ARAP2: variants seen among roughly 807,000 people sequenced by gnomAD.
The protein encoded by ARAP2 is ArfGAP with RhoGAP domain, ankyrin repeat and PH domain 2.
Under a neutral mutation model 194.5 loss-of-function variants are expected in ARAP2, and 148 were observed. The observed-to-expected ratio is 0.76, with a 90% CI of 0.67 to 0.87. The LOEUF (loss-of-function observed/expected upper bound fraction) is 0.87, where lower values mean the gene tolerates loss of function less well. Ranked by LOEUF, ARAP2 falls within the 40% of genes least tolerant of loss-of-function variation. The pLI is 0.00. For synonymous variants in ARAP2, 695 were observed against 683.5 expected, an observed-to-expected ratio of 1.02 and a Z score of -0.26; for missense variants, 2,128 against 1,989.7, an observed-to-expected ratio of 1.07 and a Z score of -1.32.
At position 36,228,803 on chromosome 4, in the gene ARAP2, A is replaced by G. The variant is rs747646598; in HGVS notation, c.684T>C (p.Asn228=). The stretch of plus-strand genomic sequence containing the variant: ...ATAAACCATTTGTTCCATTTCCAGA[A>G]TTTGTTCCTGATGTTGAACAGCCAA... ...SFVGCSTSGT[N]SGNGTNGLLE... is the part of the protein sequence containing the mutation. The change falls in exon 2 of 33, where the codon AAT becomes AAC. Residue 228 remains asparagine (N), a synonymous_variant. Transcript: ENST00000303965. 1 of 1,614,152 alleles carries G rather than the reference A, an allele frequency of 6.2e-7. No individual in the cohort carries two copies.
At chr4:36,227,133 T>C (rs537015625) in intron 2 of ARAP2, among the ~76,000 whole-genome samples, 1 of 152,292 alleles carries the variant, frequency 6.6e-6, no homozygotes, top group African/African-American at 2.4e-5. Flanking sequence ...GAGTCAGATG[T>C]ACTGGTAGGA....
At chr4:36,130,739 G>A (rs1000515297) in intron 20 of ARAP2, among the ~76,000 whole-genome samples, 2 of 151,742 alleles carry the variant, frequency 1.3e-5, no homozygotes, top group Non-Finnish European at 2.9e-5. Flanking sequence ...ACATATCTCT[G>A]TATATATCCG....
rs1278626298 is a variant in ARAP2, at chr4:36,067,872, A to T, written c.*35T>A. The T allele has an allele frequency of 1.3e-6, 2 of 1,527,402 alleles. No homozygotes were observed. Among genetic ancestry groups the T allele is most frequent in the South Asian group, 1.3e-5 (1 of 76,418 alleles). The allele number at this position is 1,527,402 out of a possible 1,614,324, so 94.6% of individuals were successfully genotyped here. A position where few individuals can be genotyped will look rare whatever the true frequency, so the allele number is the denominator to read the frequency against. On this transcript the variant is annotated 3_prime_UTR_variant, in exon 33 of 33. Transcript: ENST00000303965. ...ACACATAAAGATTGCATACAATATT[A>T]AAAAAATAATCTGGGGAGCAATTCA...
chr4:36,225,398 T>C (rs993228928), intron 2 of ARAP2, among the ~76,000 whole-genome samples: 1 of 143,002 alleles, frequency 7.0e-6, no homozygotes, highest in Non-Finnish European at 1.6e-5. Context: ...TAAGATCACA[T>C]GGCACACCTA....
At chr4:36,203,951 T>C (rs1744989237) in intron 6 of ARAP2, among the ~76,000 whole-genome samples, 1 of 152,096 alleles carries the variant, frequency 6.6e-6, no homozygotes, top group Non-Finnish European at 1.5e-5. Flanking sequence ...AGTAAAAGGA[T>C]TTATTTGTGA....
chr4:36,119,077 A>C (rs1174487746), intron 24 of ARAP2, among the ~76,000 whole-genome samples: 1 of 151,434 alleles, frequency 6.6e-6, no homozygotes, highest in Non-Finnish European at 1.5e-5. Context: ...AATTCCAGTG[A>C]ATATTCACCA....
chr4:36,191,870 G>A (rs999268308), intron 7 of ARAP2, among the ~76,000 whole-genome samples: 1 of 152,118 alleles, frequency 6.6e-6, no homozygotes, highest in Non-Finnish European at 1.5e-5. Context: ...TTTGGATCAT[G>A]CCATTTTCTG....
At chr4:36,212,535 G>T in intron 4 of ARAP2, 48 bp from the exon 5 acceptor site, 5 of 1,394,878 alleles carry the variant, frequency 3.6e-6, no homozygotes, top group Non-Finnish European at 5.0e-6. Flanking sequence ...TTTGCTTTTT[G>T]GTTTGGGGAT....
intron 19 of ARAP2, among the ~76,000 whole-genome samples, chr4:36,145,303 C>T (rs999379937): frequency 3.3e-5 from 5 of 151,870 alleles, no homozygotes; most frequent in African/African-American, 1.2e-4. Flanking sequence ...GGTTGACGGG[C>T]TAAGGAAAAT....
intron 6 of ARAP2, among the ~76,000 whole-genome samples, chr4:36,198,053 T>C (rs950007151): frequency 2.0e-5 from 3 of 152,194 alleles, no homozygotes; most frequent in Non-Finnish European, 4.4e-5. Context: ...TCCCAAGTTC[T>C]TGTGCTGTGT....
At chr4:36,080,633 A>G (rs1289074694) in intron 30 of ARAP2, among the ~76,000 whole-genome samples, 1 of 152,194 alleles carries the variant, frequency 6.6e-6, no homozygotes, top group Non-Finnish European at 1.5e-5. Context: ...GAGCCTGAGA[A>G]GAAAAATATG....
At chr4:36,068,457 C>A (rs1339798995) in intron 32 of ARAP2, among the ~76,000 whole-genome samples, 179 bp from the exon 33 acceptor site, 1 of 152,236 alleles carries the variant, frequency 6.6e-6, no homozygotes, top group Non-Finnish European at 1.5e-5. Flanking sequence ...CTTAGAGCTA[C>A]AAAATCAACT....
chr4:36,126,783 G>A (rs1724023220), intron 21 of ARAP2, among the ~76,000 whole-genome samples: 1 of 152,046 alleles, frequency 6.6e-6, no homozygotes, highest in Admixed American at 6.6e-5. Context: ...TGACAACAGT[G>A]AAGACTTGTT....
intron 7 of ARAP2, among the ~76,000 whole-genome samples, chr4:36,190,387 T>A (rs945835061): frequency 1.3e-5 from 2 of 152,248 alleles, no homozygotes; most frequent in Non-Finnish European, 2.9e-5. Context: ...AGGTCATTTA[T>A]CTACATTCCT....
intron 15 of ARAP2, among the ~76,000 whole-genome samples, 156 bp from the exon 16 acceptor site, chr4:36,151,200 A>G (rs553227317): frequency 3.8e-4 from 58 of 152,346 alleles, no homozygotes; most frequent in African/African-American, 1.3e-3. Context: ...CATGGGATAT[A>G]AAGTTGTCAC....
At chr4:36,022,099 A>T (rs900359631) in intron 5 of ARAP2, among the ~76,000 whole-genome samples, 1 of 152,172 alleles carries the variant, frequency 6.6e-6, no homozygotes, top group Non-Finnish European at 1.5e-5. Flanking sequence ...TTCAGCAAAA[A>T]TATGTAATAT....
chr4:36,229,110 T>C lies in ARAP2; in HGVS notation c.377A>G (p.Asn126Ser). The change falls in exon 2 of 33, where the codon AAT (asparagine) becomes AGT (serine). Residue 126 changes from asparagine to serine, a missense_variant. Transcript: ENST00000303965. The part of the protein sequence containing the change: ...SPPQLETVRK[N>S]LEDSDASVER... ...CACACTTGCATCACTGTCTTCAAGATTTTTTCTAACAGTCTCCAACTGCGG... is the reference window on the plus strand; with the variant it reads ...CACACTTGCATCACTGTCTTCAAGACTTTTTCTAACAGTCTCCAACTGCGG... 6.2e-7 allele frequency: 1 copy of C among 1,614,042 alleles called. No individual in the cohort carries two copies. The highest frequency in any genetic ancestry group is 8.5e-7 in the Non-Finnish European group (1 of 1,179,972).
At chr4:36,073,458 T>A (rs1406333929) in intron 32 of ARAP2, among the ~76,000 whole-genome samples, 1 of 152,096 alleles carries the variant, frequency 6.6e-6, no homozygotes, top group African/African-American at 2.4e-5. Flanking sequence ...ACTTTAGAGG[T>A]AAGAAAATAA....
chr4:36,051,277 G>C (rs1255755167), intron 3 of ARAP2, among the ~76,000 whole-genome samples: 1 of 152,046 alleles, frequency 6.6e-6, no homozygotes, highest in Admixed American at 6.5e-5. Flanking sequence ...TGAGGAGCTC[G>C]AGACAAGCCT....
Sources: gnomAD v4.1 joint callset for allele counts (sites outside exome capture counted in the v4.1 genomes callset) on GRCh38, gnomAD v4.1.1 for gene constraint, MANE v1.5 for transcripts, NCBI Gene and HGNC (gene_info 2026-07-23, HGNC 2026-07-21) for gene names.